Variants in CDH3 observed in about 807,000 individuals in gnomAD.
The protein encoded by CDH3 is cadherin 3.
In CDH3, 54 loss-of-function variants were observed where a neutral mutation model predicts 82.0. The observed-to-expected ratio is 0.66, with a 90% confidence interval of 0.53 to 0.83. The LOEUF (loss-of-function observed/expected upper bound fraction) is 0.83, where lower values mean the gene tolerates loss of function less well. Ranked by LOEUF, CDH3 falls within the 40% of genes least tolerant of loss-of-function variation. The pLI, the probability that CDH3 is intolerant of heterozygous loss-of-function variation, is 0.00. For missense variants in CDH3, 1,054 were observed against 1,084.6 expected, an observed-to-expected ratio of 0.97 and a Z score of 0.40; for synonymous variants, 446 against 437.9, an observed-to-expected ratio of 1.02 and a Z score of -0.23.
intron 12 of CDH3, among the ~76,000 whole-genome samples, chr16:68,688,277 G>A (rs908942849): frequency 2.6e-5 from 4 of 151,824 alleles, no homozygotes; most frequent in African/African-American, 7.2e-5. Flanking sequence ...CACCACACCC[G>A]GCTGCGTTAT....
chr16:68,648,344 C>T (rs771339916), intron 2 of CDH3, among the ~76,000 whole-genome samples: 4 of 152,048 alleles, frequency 2.6e-5, no homozygotes, highest in East Asian at 1.9e-4. Flanking sequence ...TTGTGAAGGG[C>T]GGCCCATTTT....
At chr16:68,665,360 C>T (rs926476996) in intron 2 of CDH3, among the ~76,000 whole-genome samples, 2 of 152,052 alleles carry the variant, frequency 1.3e-5, no homozygotes, top group African/African-American at 2.4e-5. Context: ...CGAGATCATG[C>T]CACTGCACTG....
Position 68,680,151 on chromosome 16 carries a change from G to A in CDH3, c.867+177G>A, listed in dbSNP as rs2296407. Among the ~76,000 whole-genome samples the A allele has an allele frequency of 2.3e-4, 35 of 152,370 alleles. 1 individual carries two copies. In the East Asian group the frequency reaches 6.4e-3, roughly 28 times the overall value. The stretch of plus-strand genomic sequence containing the variant: ...GCCATGCCCCTGGTTCCTTGGGCCT[G>A]TGGCCCGCTGCCAGCCAATCTCGTT... On this transcript the variant is annotated intron_variant, in intron 7 of 15. Coordinates refer to ENST00000264012, the MANE Select transcript of CDH3 (RefSeq NM_001793.6).
chr16:68,653,378 C>T (rs915708307), intron 2 of CDH3, among the ~76,000 whole-genome samples: 5 of 151,942 alleles, frequency 3.3e-5, no homozygotes, highest in African/African-American at 1.2e-4. Flanking sequence ...GCTGGGATTA[C>T]AGGCATGCGC....
rs1961852837 is a variant in CDH3, at chr16:68,699,564, A to C, written c.*1164A>C. ...AGTGGTGTGATCTTGGCTCACTGCA[A>C]GCTCTGCCTCCTGGGTTCACGCCAT... is the stretch of plus-strand genomic sequence containing the variant. On this transcript the variant is annotated 3_prime_UTR_variant, in exon 16 of 16. Transcript: ENST00000264012. The C allele has an allele frequency of 6.6e-6, 1 of 151,514 alleles. No individual in the cohort carries two copies. The highest frequency in any genetic ancestry group is 6.6e-5 in the Admixed American group (1 of 15,190). The allele number at this position is 151,514 out of a possible 1,614,324, so 9.4% of individuals were successfully genotyped here.
chr16:68,678,449 C>T, intron 4 of CDH3, 52 bp from the exon 5 acceptor site: 3 of 1,610,582 alleles, frequency 1.9e-6, no homozygotes, highest in South Asian at 1.1e-5. Flanking sequence ...CTCTTTGTCA[C>T]AGTCATGGGA....
rs767301443 is a variant in CDH3 at position 68,676,471 on chromosome 16, G to A, written c.246+1G>A. 6.2e-7 allele frequency: 1 copy of A among 1,607,192 alleles called. No homozygotes were observed. ...TGTGCGGAATGGCGAGACAGTCCAG[G>A]TAAAATACCATGTCCACCTGCAGGA... On this transcript the variant is annotated splice_donor_variant, in intron 3 of 15. Coordinates refer to ENST00000264012, the MANE Select transcript of CDH3 (RefSeq NM_001793.6). LOFTEE classifies it high-confidence loss of function.
chr16:68,710,363 G>C (rs1962011517), intron 1 of CDH3, among the ~76,000 whole-genome samples: 1 of 152,244 alleles, frequency 6.6e-6, no homozygotes, highest in African/African-American at 2.4e-5. Context: ...CCCTAACCGA[G>C]TGGTTCTCAA....
intron 1 of CDH3, among the ~76,000 whole-genome samples, chr16:68,719,263 A>AAG (rs1962133107): frequency 6.6e-6 from 1 of 151,666 alleles, no homozygotes; most frequent in African/African-American, 2.4e-5. Context: ...AGAAAAAAAA[A>AAG]AAAGATAAAA....
At chr16:68,673,696 G>A (rs545641315) in intron 2 of CDH3, among the ~76,000 whole-genome samples, 9 of 152,250 alleles carry the variant, frequency 5.9e-5, no homozygotes, top group East Asian at 5.8e-4. Context: ...GAGGCCAGGC[G>A]GGTGGATTGC....
In CDH3 at chr16:68,673,915, GA is replaced by G. The variant is rs763761461; in HGVS notation, c.161-2459del. 1.0e-3 allele frequency among the ~76,000 whole-genome samples: 147 copies of G among 144,908 alleles called. 1 individual carries two copies. The highest frequency in any genetic ancestry group is 4.0e-3 in the Admixed American group (59 of 14,568). On this transcript the variant is annotated intron_variant, in intron 2 of 15. Transcript: ENST00000264012. ...GGCAAGAGAGTGAGACTCCATCTCA[GA>G]AAAAAAAAAAGATTCATCTCTTGAT...
chr16:68,711,385 G>C (rs1169343719), intron 1 of CDH3, among the ~76,000 whole-genome samples: 1 of 152,112 alleles, frequency 6.6e-6, no homozygotes, highest in Non-Finnish European at 1.5e-5. Context: ...AGAAAGAGCA[G>C]GTGTGAGGAG....
chr16:68,657,306 G>T (rs970681913), intron 2 of CDH3, among the ~76,000 whole-genome samples: 1 of 152,140 alleles, frequency 6.6e-6, no homozygotes, highest in Non-Finnish European at 1.5e-5. Flanking sequence ...CTGAGCTCGG[G>T]AGTTCGAGAC....
chr16:68,729,897 G>C (rs147276401), downstream of CDH3, among the ~76,000 whole-genome samples: 1 of 152,004 alleles, frequency 6.6e-6, no homozygotes, highest in Non-Finnish European at 1.5e-5. Context: ...ACCTCCTAAA[G>C]TGCTGGGACT....
At position 68,691,807 on chromosome 16, in the gene CDH3, A is replaced by T. The variant is rs1655742652; in HGVS notation, c.1883A>T (p.Glu628Val). 1 of 1,614,032 alleles carries T rather than the reference A, an allele frequency of 6.2e-7. No individual in the cohort carries two copies. The highest frequency in any genetic ancestry group is 1.3e-5 in the African/African-American group (1 of 74,908). ...HLSLSDHGNK[E>V]QLTVIRATVC... is the part of the protein sequence containing the mutation. ...TCTCTGTCTGACCATGGCAACAAAG[A>T]GCAGCTGACGGTGATCAGGGCCACT... Residue 628 changes from glutamate (E) to valine (V), a missense_variant, in exon 13 of 16, where the codon GAG becomes GTG. Coordinates refer to ENST00000264012, the MANE Select transcript of CDH3 (RefSeq NM_001793.6).
intron 2 of CDH3, among the ~76,000 whole-genome samples, chr16:68,723,994 G>A (rs376448699): frequency 2.0e-5 from 3 of 150,152 alleles, no homozygotes; most frequent in Non-Finnish European, 4.4e-5. Context: ...GCGTGAACCC[G>A]GGAGGCGGAG....
rs1239434752 is a variant in CDH3, at chr16:68,678,204, A to G, written c.317A>G (p.Lys106Arg). 3 of 1,613,944 alleles carry G rather than the reference A, an allele frequency of 1.9e-6. No individual in the cohort carries two copies. The highest frequency in any genetic ancestry group is 2.2e-5 in the South Asian group (2 of 91,084). The change falls in exon 4 of 16, where the codon AAG becomes AGG. Residue 106 changes from lysine to arginine, a missense_variant. Transcript: ENST00000264012. ...FPSKRILRRH[K>R]RDWVVAPISV... ...TCCAAACGTATCTTACGAAGACACA[A>G]GAGAGATTGGGTGGTTGCTCCAATA...
chr16:68,669,588 A>G (rs1362045494), intron 2 of CDH3, among the ~76,000 whole-genome samples: 1 of 147,494 alleles, frequency 6.8e-6, no homozygotes, highest in Admixed American at 6.7e-5. Context: ...GACAGCGGGA[A>G]GAGGATTTCT....
At chr16:68,686,496 A>G in intron 11 of CDH3, 2 of 1,171,246 alleles carry the variant, frequency 1.7e-6, no homozygotes, top group Non-Finnish European at 2.6e-6. Context: ...ATCTCAAGGA[A>G]AAGTATTGCA....
Sources: gnomAD v4.1 joint callset for allele counts (sites outside exome capture counted in the v4.1 genomes callset) on GRCh38, gnomAD v4.1.1 for gene constraint, MANE v1.5 for transcripts, NCBI Gene and HGNC (gene_info 2026-07-23, HGNC 2026-07-21) for gene names.